ASCC1: variants seen among roughly 807,000 people sequenced by gnomAD.
The protein encoded by ASCC1 is ASC-1 complex subunit P50.
A neutral mutation model predicts 46.6 loss-of-function variants in ASCC1; 35 were observed. The observed-to-expected ratio is 0.75, with a 90% CI of 0.57 to 0.99. ASCC1 has a LOEUF of 0.99. Ranked by LOEUF, ASCC1 falls within the 50% of genes least tolerant of loss-of-function variation. The pLI is 0.00. For missense variants in ASCC1, 376 were observed against 428.7 expected, an observed-to-expected ratio of 0.88 and a Z score of 1.09; for synonymous variants, 143 against 146.6, an observed-to-expected ratio of 0.98 and a Z score of 0.18.
At chr10:72,110,869 A>G (rs1842849185) in intron 9 of ASCC1, among the ~76,000 whole-genome samples, 1 of 152,230 alleles carries the variant, frequency 6.6e-6, no homozygotes, top group South Asian at 2.1e-4. Flanking sequence ...TATCCAAATA[A>G]TGGCTGGCCT....
chr10:72,172,901 ATATAT>A (rs1233548558), intron 5 of ASCC1, among the ~76,000 whole-genome samples: 2 of 128,364 alleles, frequency 1.6e-5, no homozygotes, highest in South Asian at 2.2e-4. Flanking sequence ...TATATATATT[ATATAT>A]TATATTTTTA....
intron 5 of ASCC1, among the ~76,000 whole-genome samples, chr10:72,161,895 T>C (rs1393528100): frequency 3.3e-5 from 5 of 152,012 alleles, no homozygotes; most frequent in African/African-American, 9.7e-5. Flanking sequence ...TCCTACCATA[T>C]AAAAAAATTA....
rs182882643 is a variant in ASCC1, at chr10:72,165,940, C to T, written c.490-4266G>A. 2.6e-5 allele frequency among the ~76,000 whole-genome samples: 4 copies of T among 152,284 alleles called. No homozygotes were observed. In the East Asian group the frequency reaches 5.8e-4, roughly 22 times the overall value. ...TGTTGGGCCCTTGCTCTGCTCCAAA[C>T]GTTTTCTATGCAATGTATAGACAAA... On this transcript the variant is annotated intron_variant, in intron 5 of 9. Transcript: ENST00000672957.
intron 5 of ASCC1, among the ~76,000 whole-genome samples, chr10:72,173,502 CTTTTTGGAA>C (rs1328506475): frequency 2.0e-5 from 3 of 152,086 alleles, no homozygotes; most frequent in Admixed American, 1.3e-4. Flanking sequence ...ATCGAAAGTC[CTTTTTGGAA>C]TTATGAGTCA....
At chr10:72,105,143 G>A (rs931495761) in intron 9 of ASCC1, among the ~76,000 whole-genome samples, 3 of 152,156 alleles carry the variant, frequency 2.0e-5, no homozygotes, top group Non-Finnish European at 2.9e-5. Context: ...CATTGGGTGC[G>A]GGTACCCAGA....
chr10:72,126,071 C>T (rs1388053997), intron 9 of ASCC1, among the ~76,000 whole-genome samples: 2 of 152,240 alleles, frequency 1.3e-5, no homozygotes, highest in African/African-American at 2.4e-5. Context: ...TGGCCATTAT[C>T]CCAGATCAGG....
intron 4 of ASCC1, among the ~76,000 whole-genome samples, chr10:72,203,103 A>G (rs1856717916): frequency 6.6e-6 from 1 of 152,112 alleles, no homozygotes; most frequent in Non-Finnish European, 1.5e-5. Context: ...CCTGACCAAC[A>G]TGGAGAAACC....
At chr10:72,142,679 T>C (rs1033482332) in intron 7 of ASCC1, among the ~76,000 whole-genome samples, 1 of 152,080 alleles carries the variant, frequency 6.6e-6, no homozygotes, top group Non-Finnish European at 1.5e-5. Flanking sequence ...ATTTCACTAT[T>C]CTTGCATCCA....
chr10:72,171,129 T>C (rs1226571100), intron 5 of ASCC1, among the ~76,000 whole-genome samples: 2 of 152,248 alleles, frequency 1.3e-5, no homozygotes, highest in African/African-American at 2.4e-5. Flanking sequence ...ACTATTCTTT[T>C]CTTCAACTTT....
chr10:72,184,720 T>C (rs1853191574), intron 5 of ASCC1, among the ~76,000 whole-genome samples: 2 of 150,626 alleles, frequency 1.3e-5, no homozygotes, highest in South Asian at 4.2e-4. Flanking sequence ...AAAATCAGTA[T>C]GGATACAGAG....
intron 9 of ASCC1, among the ~76,000 whole-genome samples, chr10:72,101,067 C>A (rs1215184053): frequency 6.6e-6 from 1 of 152,182 alleles, no homozygotes; most frequent in Non-Finnish European, 1.5e-5. Flanking sequence ...TCTTTCTTAG[C>A]TTCAGTTCCT....
At chr10:72,124,243 T>C (rs1259754852) in intron 9 of ASCC1, among the ~76,000 whole-genome samples, 1 of 152,218 alleles carries the variant, frequency 6.6e-6, no homozygotes, top group Non-Finnish European at 1.5e-5. Flanking sequence ...AAAAGATTCT[T>C]ATATATAAAA....
At chr10:72,102,987 A>T (rs1466639376) in intron 9 of ASCC1, 1 of 449,692 alleles carries the variant, frequency 2.2e-6, no homozygotes, top group Non-Finnish European at 4.4e-6. Context: ...AACAAAACAA[A>T]AAAAAGATCA....
intron 7 of ASCC1, among the ~76,000 whole-genome samples, chr10:72,137,722 C>T (rs571292652): frequency 1.3e-5 from 2 of 152,246 alleles, no homozygotes; most frequent in South Asian, 2.1e-4. Context: ...AACATAACCT[C>T]ACCACGCAGA....
At chr10:72,215,035 A>C (rs1355762662) in intron 1 of ASCC1, among the ~76,000 whole-genome samples, 1 of 152,270 alleles carries the variant, frequency 6.6e-6, no homozygotes, top group Non-Finnish European at 1.5e-5. Context: ...TACCACGTAC[A>C]GCTTAGATAG....
At chr10:72,117,322 T>G (rs1843608525) in intron 9 of ASCC1, among the ~76,000 whole-genome samples, 1 of 152,188 alleles carries the variant, frequency 6.6e-6, no homozygotes, top group African/African-American at 2.4e-5. Context: ...GGAATATTTT[T>G]AGGCAGAGGG....
At chr10:72,146,213 A>C (rs1427114685) in intron 7 of ASCC1, among the ~76,000 whole-genome samples, 2 of 152,144 alleles carry the variant, frequency 1.3e-5, no homozygotes, top group Admixed American at 1.3e-4. Context: ...AGTGGATCTT[A>C]ATGGCTGCCA....
intron 2 of ASCC1, among the ~76,000 whole-genome samples, chr10:72,211,350 T>A (rs1564771688): frequency 6.6e-6 from 1 of 152,124 alleles, no homozygotes; most frequent in Non-Finnish European, 1.5e-5. Context: ...GGATTCTCCA[T>A]CTGTGGATTC....
intron 4 of ASCC1, among the ~76,000 whole-genome samples, chr10:72,199,859 G>C (rs556806907): frequency 1.5e-4 from 23 of 152,108 alleles, no homozygotes; most frequent in African/African-American, 4.1e-4. Context: ...AGCCTCCCAA[G>C]TAGCTGAGAC....
Sources: gnomAD v4.1 joint callset for allele counts (sites outside exome capture counted in the v4.1 genomes callset) on GRCh38, gnomAD v4.1.1 for gene constraint, MANE v1.5 for transcripts, NCBI Gene and HGNC (gene_info 2026-07-23, HGNC 2026-07-21) for gene names.